The following UNC13B variants were observed in gnomAD, a reference collection of about 807,000 sequenced individuals.
UNC13B encodes unc-13 homolog B.
In UNC13B, 144 loss-of-function variants were observed where a neutral mutation model predicts 211.0. The observed-to-expected ratio is 0.68, with a 90% CI of 0.60 to 0.78. The LOEUF (loss-of-function observed/expected upper bound fraction) is 0.78, where lower values mean the gene tolerates loss of function less well. Among genes scored for constraint, UNC13B ranks in the 30% least tolerant of loss-of-function variants. The pLI is 0.00. For synonymous variants in UNC13B, 709 were observed against 725.8 expected, an observed-to-expected ratio of 0.98 and a Z score of 0.37; for missense variants, 1,777 against 2,002.0, an observed-to-expected ratio of 0.89 and a Z score of 2.14.
intron 11 of UNC13B, among the ~76,000 whole-genome samples, chr9:35,318,936 C>T (rs969023473): frequency 6.6e-6 from 1 of 152,020 alleles, no homozygotes; most frequent in Non-Finnish European, 1.5e-5. Context: ...GATGGAGCAA[C>T]CAACACCTGG....
At position 35,300,203 on chromosome 9, in the gene UNC13B, A is replaced by G. The variant is rs543582754; in HGVS notation, c.799A>G (p.Lys267Glu). The change falls in exon 9 of 40, where the codon AAA becomes GAA. Residue 267 changes from lysine to glutamate, a missense_variant. By Grantham distance (56) the Lys-to-Glu change is moderately conservative. Coordinates refer to ENST00000635942, the MANE Select transcript of UNC13B (RefSeq NM_001371189.2). The stretch of plus-strand genomic sequence containing the variant: ...ATATGATACACTAGATAGAAGAAGA[A>G]AAAAGAAATCCTTATACAATCATTT... ...QKYDTLDRRR[K>E]KKSLYNHFED... 5.0e-6 allele frequency: 2 copies of G among 398,884 alleles called. No individual in the cohort carries two copies. Among genetic ancestry groups the G allele is most frequent in the South Asian group, 2.6e-4 (2 of 7,840 alleles). The allele number at this position is 398,884 out of a possible 1,614,324, so 24.7% of individuals were successfully genotyped here.
intron 1 of UNC13B, among the ~76,000 whole-genome samples, chr9:35,215,624 C>T (rs1824209020): frequency 6.6e-6 from 1 of 152,044 alleles, no homozygotes; most frequent in African/African-American, 2.4e-5. Context: ...TAATAAATTT[C>T]AAGGATAGGG....
At chr9:35,329,024 G>A (rs777908432) in intron 11 of UNC13B, among the ~76,000 whole-genome samples, 5 of 151,734 alleles carry the variant, frequency 3.3e-5, no homozygotes, top group Non-Finnish European at 7.4e-5. Context: ...GCCCACCTCG[G>A]CCTCCCAAAG....
At chr9:35,175,224 A>C (rs1184622501) in intron 1 of UNC13B, among the ~76,000 whole-genome samples, 1 of 152,272 alleles carries the variant, frequency 6.6e-6, no homozygotes, top group Non-Finnish European at 1.5e-5. Context: ...GTCTCATTGC[A>C]GATGATCCTT....
chr9:35,392,152 A>G (rs542286534), intron 26 of UNC13B, among the ~76,000 whole-genome samples: 2 of 152,290 alleles, frequency 1.3e-5, no homozygotes, highest in Admixed American at 1.3e-4. Flanking sequence ...TGAACTGATG[A>G]AGTACTGAGA....
chr9:35,235,715 G>C (rs1232831299), intron 3 of UNC13B, among the ~76,000 whole-genome samples: 1 of 152,210 alleles, frequency 6.6e-6, no homozygotes, highest in African/African-American at 2.4e-5. Flanking sequence ...TTACAGGCTT[G>C]AGCCACCATG....
At chr9:35,257,928 T>C (rs1158570058) in intron 6 of UNC13B, among the ~76,000 whole-genome samples, 1 of 152,154 alleles carries the variant, frequency 6.6e-6, no homozygotes, top group Non-Finnish European at 1.5e-5. Context: ...AGCAGCCAGA[T>C]TGATCTTTTA....
intron 11 of UNC13B, chr9:35,351,891 T>G: frequency 8.1e-7 from 1 of 1,232,242 alleles, no homozygotes; most frequent in East Asian, 3.2e-5. Context: ...ACCAAGACCC[T>G]TTTGTCCAGA....
chr9:35,366,031 G>C (rs1833750100), intron 11 of UNC13B, among the ~76,000 whole-genome samples: 1 of 152,136 alleles, frequency 6.6e-6, no homozygotes, highest in African/African-American at 2.4e-5. Flanking sequence ...ACTGTTCAAA[G>C]CTAAGCACCT....
intron 19 of UNC13B, 82 bp downstream of exon 19, chr9:35,381,297 T>G (rs1834818770): frequency 1.6e-6 from 2 of 1,263,306 alleles, no homozygotes; most frequent in Non-Finnish European, 2.2e-6. Flanking sequence ...GCTAGGTGGT[T>G]GGAATCCGAG....
chr9:35,172,452 C>T (rs906949807), intron 1 of UNC13B, among the ~76,000 whole-genome samples: 1 of 152,044 alleles, frequency 6.6e-6, no homozygotes, highest in African/African-American at 2.4e-5. Flanking sequence ...CTTTAATCAA[C>T]CTTTCTTAAT....
chr9:35,200,606 G>A (rs1280161609), intron 1 of UNC13B, among the ~76,000 whole-genome samples: 2 of 152,166 alleles, frequency 1.3e-5, no homozygotes, highest in Non-Finnish European at 2.9e-5. Flanking sequence ...AATTGTGAAT[G>A]GGAGTTCTCT....
rs1426666981 is a variant in UNC13B at position 35,186,286 on chromosome 9, CT to C, written c.22+23983del. Among the ~76,000 whole-genome samples, 3 of 152,150 alleles carry C rather than the reference CT, an allele frequency of 2.0e-5. No individual in the cohort carries two copies. The East Asian group carries it at 5.8e-4, about 29-fold the overall frequency. ...GAGGTTTCATCTACATGATGAAAAT[CT>C]TGGCTTTCACGGCTCCCTTATCTAA... On this transcript the variant is annotated intron_variant, in intron 1 of 39. Coordinates refer to ENST00000635942, the MANE Select transcript of UNC13B (RefSeq NM_001371189.2).
intron 6 of UNC13B, among the ~76,000 whole-genome samples, chr9:35,258,433 T>C (rs1827064207): frequency 6.6e-6 from 1 of 152,142 alleles, no homozygotes; most frequent in Non-Finnish European, 1.5e-5. Flanking sequence ...GTTTTTGTGG[T>C]GGTTGTGGTG....
At chr9:35,345,512 G>A (rs191504043) in intron 11 of UNC13B, among the ~76,000 whole-genome samples, 6 of 152,198 alleles carry the variant, frequency 3.9e-5, no homozygotes, top group African/African-American at 1.2e-4. Context: ...GAAAGATGAG[G>A]AATTTGATCA....
rs186657254 is a variant in UNC13B, at chr9:35,283,085, C to T, written c.527-12611C>T. On this transcript the variant is annotated intron_variant, in intron 7 of 39. Coordinates refer to ENST00000635942, the MANE Select transcript of UNC13B (RefSeq NM_001371189.2). ...TGCTAAAACACAATACTATAGTGAG[C>T]AACTTTATACACTTTTTTTTGTAAA... is the stretch of plus-strand genomic sequence containing the variant. Among the ~76,000 whole-genome samples, 52 of 152,256 alleles carry T rather than the reference C, an allele frequency of 3.4e-4. 3 individuals are homozygous for T. The highest frequency in any genetic ancestry group is 1.1e-3 in the Admixed American group (17 of 15,280).
chr9:35,396,887 G>C lies in UNC13B; in HGVS notation c.11482G>C (p.Val3828Leu), dbSNP rs756538356. ...ACAATGGCTGGATGAGAATGAGGAT[G>C]TATCCCTGGAATTCCTGCGTGGGGC... ...VLQWLDENED[V>L]SLEFLRGALE... Residue 3828 changes from valine (V) to leucine (L), a missense_variant, in exon 28 of 40, where the codon GTA becomes CTA. Physicochemically the swap from Val to Leu is conservative, Grantham distance 32. Coordinates refer to ENST00000635942, the MANE Select transcript of UNC13B (RefSeq NM_001371189.2). 33 of 1,614,102 alleles carry C rather than the reference G, an allele frequency of 2.0e-5. No homozygotes were observed. The Admixed American group carries it at 5.5e-4, about 27-fold the overall frequency.
intron 11 of UNC13B, chr9:35,351,199 G>A (rs1395755855): frequency 1.4e-6 from 1 of 728,096 alleles, no homozygotes; most frequent in Non-Finnish European, 1.7e-6. Context: ...ATAATCTTAG[G>A]AGATAATGTT....
rs150918462 is a variant in UNC13B, at chr9:35,353,276, C to T, written c.9415-13671C>T. The T allele has an allele frequency of 2.9e-5, 36 of 1,232,232 alleles. No individual in the cohort carries two copies. The East Asian group carries it at 1.1e-3, about 37-fold the overall frequency. 76.3% of individuals were successfully genotyped at this position (1,232,232 alleles called of 1,614,324 possible). On this transcript the variant is annotated intron_variant, in intron 11 of 39. Transcript: ENST00000635942. ...GGAAATCAAGTTTTATACAAGTAAA[C>T]TGGGCCGAGCAATTCACCACTTTCG...
Sources: gnomAD v4.1 joint callset for allele counts (sites outside exome capture counted in the v4.1 genomes callset) on GRCh38, gnomAD v4.1.1 for gene constraint, MANE v1.5 for transcripts, NCBI Gene and HGNC (gene_info 2026-07-23, HGNC 2026-07-21) for gene names.